The following LMO7 variants were observed in gnomAD, a reference collection of about 807,000 sequenced individuals.
LMO7 encodes LIM domain 7.
A neutral mutation model predicts 206.5 loss-of-function variants in LMO7; 120 were observed. The observed-to-expected ratio is 0.58, with a 90% CI of 0.50 to 0.68. The LOEUF is 0.68. Ranked by LOEUF, LMO7 falls within the 30% of genes least tolerant of loss-of-function variation. The pLI, the probability that LMO7 is intolerant of heterozygous loss-of-function variation, is 0.00. For synonymous variants in LMO7, 706 were observed against 681.5 expected (o/e 1.04, Z -0.56); for missense variants, 1,959 against 1,957.9 (o/e 1.00, Z -0.01).
intron 1 of LMO7, among the ~76,000 whole-genome samples, chr13:75,650,550 T>A (rs948524302): frequency 1.3e-5 from 2 of 152,238 alleles, no homozygotes; most frequent in African/African-American, 4.8e-5. Context: ...CTAGTTGACT[T>A]GACTGAAATG....
intron 15 of LMO7, among the ~76,000 whole-genome samples, chr13:75,831,135 T>G (rs1263198787): frequency 6.6e-6 from 1 of 152,178 alleles, no homozygotes; most frequent in Non-Finnish European, 1.5e-5. Context: ...ATTATATTCT[T>G]CAGATTGGCA....
intron 4 of LMO7, among the ~76,000 whole-genome samples, chr13:75,763,123 A>G (rs2048403207): frequency 6.6e-6 from 1 of 152,168 alleles, no homozygotes; most frequent in South Asian, 2.1e-4. Context: ...TGGTTAGATC[A>G]GTGGTTCTCA....
At chr13:75,793,519 A>C (rs907278890) in intron 4 of LMO7, among the ~76,000 whole-genome samples, 3 of 151,858 alleles carry the variant, frequency 2.0e-5, no homozygotes, top group African/African-American at 7.3e-5. Context: ...TAGGGGATGC[A>C]CCCTCCTCAG....
chr13:75,768,559 A>G (rs941651177), intron 4 of LMO7, among the ~76,000 whole-genome samples: 2 of 152,094 alleles, frequency 1.3e-5, no homozygotes, highest in African/African-American at 4.8e-5. Context: ...TTCCTTAGAA[A>G]GTTTTATTTC....
chr13:75,801,828 G>A (rs1226210454), intron 7 of LMO7, among the ~76,000 whole-genome samples: 2 of 152,066 alleles, frequency 1.3e-5, no homozygotes, highest in Admixed American at 1.3e-4. Context: ...ATTTTTCCTA[G>A]CATATCTATG....
intron 12 of LMO7, among the ~76,000 whole-genome samples, chr13:75,818,271 G>A (rs79041893): frequency 0.034 from 5,198 of 152,206 alleles, 115 homozygotes; most frequent in Non-Finnish European, 0.054. Flanking sequence ...GACTAAATGC[G>A]CATTGCTTTT....
intron 1 of LMO7, among the ~76,000 whole-genome samples, chr13:75,711,762 AT>A (rs2043148296): frequency 6.6e-6 from 1 of 151,896 alleles, no homozygotes; most frequent in African/African-American, 2.4e-5. Context: ...CACCCCCTAC[AT>A]TTTTCTTATG....
intron 11 of LMO7, 31 bp downstream of exon 11, chr13:75,809,214 G>A (rs771426627): frequency 1.3e-6 from 2 of 1,591,008 alleles, no homozygotes; most frequent in African/African-American, 1.3e-5. Context: ...TAAAAAATCT[G>A]TGCGTGTTGT....
chr13:75,630,465 G>T (rs1158534644), intron 2 of LMO7, among the ~76,000 whole-genome samples: 1 of 152,200 alleles, frequency 6.6e-6, no homozygotes, highest in Non-Finnish European at 1.5e-5. Flanking sequence ...TTGAGTTCAG[G>T]AGTTTGCAAT....
intron 1 of LMO7, among the ~76,000 whole-genome samples, chr13:75,686,973 C>T (rs2041062884): frequency 6.6e-6 from 1 of 152,060 alleles, no homozygotes; most frequent in Non-Finnish European, 1.5e-5. Flanking sequence ...ATGAGGTCTC[C>T]ATTCTCATGA....
intron 1 of LMO7, among the ~76,000 whole-genome samples, chr13:75,663,095 G>A (rs1270841978): frequency 6.6e-6 from 1 of 151,836 alleles, no homozygotes; most frequent in Non-Finnish European, 1.5e-5. Flanking sequence ...TTTCCCATGG[G>A]TCATTGTAGT....
intron 26 of LMO7, among the ~76,000 whole-genome samples, chr13:75,847,376 C>T (rs934678688): frequency 1.3e-5 from 2 of 152,200 alleles, no homozygotes; most frequent in Non-Finnish European, 2.9e-5. Context: ...ATAAATTCAA[C>T]ATTCAAATTA....
chr13:75,832,884 T>C (rs997712447), intron 15 of LMO7, among the ~76,000 whole-genome samples, 167 bp from the exon 16 acceptor site: 1 of 152,176 alleles, frequency 6.6e-6, no homozygotes, highest in African/African-American at 2.4e-5. Context: ...GTGCTATTTA[T>C]ATAAATGAAA....
intron 2 of LMO7, among the ~76,000 whole-genome samples, chr13:75,625,439 GTGTGTGTGTGTGTGTGCATGTGCA>G (rs1209664746): frequency 8.1e-5 from 3 of 37,070 alleles, no homozygotes; most frequent in African/African-American, 1.7e-4. Flanking sequence ...GTGTGTGTGT[GTGTGTGTGTGTGTGTGCATGTGCA>G]TGTGTGTGTG....
chr13:75,753,405 T>G (rs568726057), intron 3 of LMO7, among the ~76,000 whole-genome samples: 1 of 152,286 alleles, frequency 6.6e-6, no homozygotes, highest in South Asian at 2.1e-4. Flanking sequence ...GCAGAAGCCT[T>G]TTAGTTTAAA....
chr13:75,649,810 C>T lies in LMO7; in HGVS notation c.69+13084C>T, dbSNP rs76831383. Reference sequence around the variant, plus strand: ...ACAACCAATCTGAAAGACTCATTATCATCTGCTATATAAAATACTAAAGTT... The same window carrying T: ...ACAACCAATCTGAAAGACTCATTATTATCTGCTATATAAAATACTAAAGTT... On this transcript the variant is annotated intron_variant, in intron 1 of 30. Transcript: ENST00000377534. Among the ~76,000 whole-genome samples the T allele has an allele frequency of 5.5e-3, 843 of 152,272 alleles. 15 individuals carry two copies. The highest frequency in any genetic ancestry group is 0.019 in the African/African-American group (791 of 41,542).
At chr13:75,761,240 T>C (rs1028540654) in intron 4 of LMO7, among the ~76,000 whole-genome samples, 4 of 152,128 alleles carry the variant, frequency 2.6e-5, no homozygotes, top group African/African-American at 9.7e-5. Context: ...ACTCATAACA[T>C]AGCATAGTCT....
intron 1 of LMO7, among the ~76,000 whole-genome samples, chr13:75,665,861 T>C (rs1434005617): frequency 2.0e-5 from 3 of 152,160 alleles, no homozygotes; most frequent in Non-Finnish European, 4.4e-5. Flanking sequence ...CTATGGATGT[T>C]CAATGTTGGG....
chr13:75,661,024 C>T (rs1241533310), intron 1 of LMO7, among the ~76,000 whole-genome samples: 3 of 152,182 alleles, frequency 2.0e-5, no homozygotes, highest in East Asian at 3.9e-4. Context: ...AATCTTCTCA[C>T]TGTTCATTTT....
Sources: gnomAD v4.1 joint callset for allele counts (sites outside exome capture counted in the v4.1 genomes callset) on GRCh38, gnomAD v4.1.1 for gene constraint, MANE v1.5 for transcripts, NCBI Gene and HGNC (gene_info 2026-07-23, HGNC 2026-07-21) for gene names.